RAB3GAP1: variants seen among roughly 807,000 people sequenced by gnomAD.
The protein encoded by RAB3GAP1 is rab3 GTPase-activating protein catalytic subunit.
RAB3GAP1 carries 86 observed loss-of-function variants against 130.7 expected under a neutral mutation model. The observed-to-expected ratio is 0.66, with a 90% CI of 0.55 to 0.79. RAB3GAP1 has a LOEUF of 0.79. Among genes scored for constraint, RAB3GAP1 ranks in the 30% least tolerant of loss-of-function variants. The pLI, the probability that RAB3GAP1 is intolerant of heterozygous loss-of-function variation, is 0.00. For missense variants in RAB3GAP1, 1,029 were observed against 1,169.4 expected, an observed-to-expected ratio of 0.88 and a Z score of 1.75; for synonymous variants, 367 against 401.7, an observed-to-expected ratio of 0.91 and a Z score of 1.03.
chr2:135,174,277 G>C (rs1558812545), downstream of RAB3GAP1, among the ~76,000 whole-genome samples: 1 of 152,156 alleles, frequency 6.6e-6, no homozygotes, highest in Non-Finnish European at 1.5e-5. Flanking sequence ...ACATGGCCCA[G>C]CCCTCAGGGT....
At chr2:135,107,967 C>A in intron 5 of RAB3GAP1, among the ~76,000 whole-genome samples, 1 of 93,158 alleles carries the variant, frequency 1.1e-5, no homozygotes, top group African/African-American at 5.0e-5. Context: ...AAGAGTGAAA[C>A]TCCATCTCAA....
At chr2:135,074,562 G>A (rs992110661) in intron 3 of RAB3GAP1, among the ~76,000 whole-genome samples, 1 of 152,202 alleles carries the variant, frequency 6.6e-6, no homozygotes, top group African/African-American at 2.4e-5. Context: ...AGTTGTCTCT[G>A]GGCTTGGACA....
intron 5 of RAB3GAP1, among the ~76,000 whole-genome samples, chr2:135,105,284 C>T (rs1264045913): frequency 1.4e-5 from 2 of 144,314 alleles, no homozygotes; most frequent in Admixed American, 6.9e-5. Context: ...GATGCCAAGC[C>T]GAACCTGGAC....
intron 17 of RAB3GAP1, among the ~76,000 whole-genome samples, chr2:135,145,106 TG>T (rs1384251250): frequency 6.6e-6 from 1 of 152,214 alleles, no homozygotes; most frequent in African/African-American, 2.4e-5. Flanking sequence ...TACATTTTTA[TG>T]GGGTACATAT....
At chr2:135,151,749 G>A (rs1383551267) in intron 18 of RAB3GAP1, among the ~76,000 whole-genome samples, 1 of 152,254 alleles carries the variant, frequency 6.6e-6, no homozygotes, top group African/African-American at 2.4e-5. Context: ...GGCTTAAGGT[G>A]TGTGTGCACA....
intron 5 of RAB3GAP1, among the ~76,000 whole-genome samples, chr2:135,105,782 G>C (rs920494482): frequency 1.3e-5 from 2 of 151,902 alleles, no homozygotes; most frequent in African/African-American, 4.8e-5. Flanking sequence ...TGTCTAGGAA[G>C]TGAGGAGCGT....
At chr2:135,140,689 G>GCTTGT (rs1691814082) in intron 17 of RAB3GAP1, among the ~76,000 whole-genome samples, 3 of 152,360 alleles carry the variant, frequency 2.0e-5, no homozygotes, top group South Asian at 2.1e-4. Flanking sequence ...GGAGTTATCA[G>GCTTGT]TAGGGGCTGG....
At chr2:135,062,862 G>A (rs914456391) in intron 3 of RAB3GAP1, among the ~76,000 whole-genome samples, 1 of 152,144 alleles carries the variant, frequency 6.6e-6, no homozygotes, top group Non-Finnish European at 1.5e-5. Context: ...GTAAAATTTT[G>A]TATGTTAACT....
chr2:135,168,685 C>G lies in RAB3GAP1; in HGVS notation c.2850C>G (p.Pro950=). The change falls in exon 24 of 24, where the codon CCC becomes CCG. Residue 950 remains proline (P), a synonymous_variant. Transcript: ENST00000264158. ...ILRTTVPRPA[P]YSKALPQRMY... ...GCACCACTGTGCCGCGCCCTGCTCCCTACTCCAAAGCTCTGCCTCAGCGGA... is the reference window on the plus strand; with the variant it reads ...GCACCACTGTGCCGCGCCCTGCTCCGTACTCCAAAGCTCTGCCTCAGCGGA... The G allele has an allele frequency of 6.2e-7, 1 of 1,614,200 alleles. No homozygotes were observed.
intron 5 of RAB3GAP1, among the ~76,000 whole-genome samples, chr2:135,095,422 C>T (rs1351197047): frequency 6.6e-6 from 1 of 152,126 alleles, no homozygotes; most frequent in Non-Finnish European, 1.5e-5. Context: ...TTTCATAATC[C>T]AGGGTAGTGC....
rs1054926336 is a variant in RAB3GAP1, at chr2:135,052,312, C to T, written c.5C>T (p.Ala2Val). The T allele has an allele frequency of 8.1e-6, 13 of 1,613,806 alleles. No individual in the cohort carries two copies. Among genetic ancestry groups the T allele is most frequent in the East Asian group, 2.2e-5 (1 of 44,878 alleles). The change falls in exon 1 of 24, where the codon GCT becomes GTT. Residue 2 changes from alanine (A) to valine (V), a missense_variant. Coordinates refer to ENST00000264158, the MANE Select transcript of RAB3GAP1 (RefSeq NM_012233.3). ...CCAGGCCCGGCGCTCCTCAAGATGG[C>T]TGCCGACAGTGAGGTGATTTCTTTG... M[A>V]ADSEPESEVF...
intron 7 of RAB3GAP1, among the ~76,000 whole-genome samples, chr2:135,117,531 G>GCTTCTTCTTCTTCTT (rs1346321623): frequency 5.0e-5 from 1 of 20,012 alleles, no homozygotes; most frequent in Non-Finnish European, 1.1e-4. Flanking sequence ...TGCTTCTTCT[G>GCTTCTTCTTCTTCTT]CTTCTTCTTC....
At chr2:135,137,230 C>CT (rs1388903056) in intron 17 of RAB3GAP1, 14 of 422,692 alleles carry the variant, frequency 3.3e-5, no homozygotes, top group Non-Finnish European at 6.1e-5. Flanking sequence ...GTTTTAAAGG[C>CT]TTTTATCTTG....
At chr2:135,057,967 A>G (rs1421750457) in intron 2 of RAB3GAP1, 44 bp from the exon 3 acceptor site, 2 of 1,335,322 alleles carry the variant, frequency 1.5e-6, no homozygotes, top group Non-Finnish European at 2.1e-6. Flanking sequence ...TAATAGGAAA[A>G]AAGGTGTGCT....
intron 7 of RAB3GAP1, among the ~76,000 whole-genome samples, chr2:135,117,552 T>TCGGCTG (rs1691030029): frequency 1.1e-5 from 1 of 93,538 alleles, no homozygotes; most frequent in African/African-American, 3.1e-5. Flanking sequence ...TGCTTCTTCT[T>TCGGCTG]CTTCTGCTTC....
At chr2:135,103,002 G>A (rs1200118627) in intron 5 of RAB3GAP1, among the ~76,000 whole-genome samples, 6 of 83,374 alleles carry the variant, frequency 7.2e-5, no homozygotes, top group Non-Finnish European at 9.8e-5. Context: ...GCGAGACTCC[G>A]TCTGAAAAAA....
intron 4 of RAB3GAP1, among the ~76,000 whole-genome samples, chr2:135,092,670 T>G (rs1690181766): frequency 6.6e-6 from 1 of 152,184 alleles, no homozygotes; most frequent in Admixed American, 6.5e-5. Context: ...ACTCCTGACC[T>G]CAGGTGATCC....
intron 17 of RAB3GAP1, among the ~76,000 whole-genome samples, chr2:135,144,883 CAG>C (rs535176680): frequency 5.2e-4 from 79 of 152,294 alleles, no homozygotes; most frequent in African/African-American, 1.6e-3. Context: ...TTTCCTCTTA[CAG>C]AGTCTTAATT....
intron 17 of RAB3GAP1, among the ~76,000 whole-genome samples, chr2:135,140,975 T>C (rs2104960912): frequency 6.6e-6 from 1 of 152,274 alleles, no homozygotes; most frequent in Admixed American, 6.5e-5. Flanking sequence ...TTTTGGTCAT[T>C]TTAATTTTTG....
Sources: allele counts gnomAD v4.1 joint callset (sites outside exome capture counted in the v4.1 genomes callset), GRCh38; gene constraint gnomAD v4.1.1; transcripts MANE v1.5; gene names NCBI Gene and HGNC (gene_info 2026-07-23, HGNC 2026-07-21).